Variants in STYXL1 observed in about 807,000 individuals in gnomAD.
The protein encoded by STYXL1 is serine/threonine/tyrosine interacting like 1, also known as serine/threonine/tyrosine-interacting-like protein 1.
A neutral mutation model predicts 36.4 loss-of-function variants in STYXL1; 32 were observed. That is an observed-to-expected ratio of 0.88 (90% CI 0.66 to 1.18). STYXL1 has a LOEUF of 1.18. Ranked by LOEUF, STYXL1 falls within the 50% of genes most tolerant of loss-of-function variation. STYXL1 has a pLI of 0.00. For synonymous variants in STYXL1, 133 were observed against 144.1 expected (o/e 0.92, Z 0.55); for missense variants, 354 against 394.1 (o/e 0.90, Z 0.86).
intron 1 of STYXL1, chr7:76,044,551 G>T (rs1796767571): frequency 6.6e-6 from 1 of 152,058 alleles, no homozygotes. Context: ...ACTTGGGAGG[G>T]ATGTGGAGGA....
chr7:76,029,998 T>TC lies in STYXL1; in HGVS notation c.103+422_103+423insG, dbSNP rs1554578771. 7.2e-5 allele frequency among the ~76,000 whole-genome samples: 11 copies of TC among 151,738 alleles called. 1 individual carries two copies. Among genetic ancestry groups the TC allele is most frequent in the African/African-American group, 2.7e-4 (11 of 41,254 alleles). On this transcript the variant is annotated intron_variant, in intron 2 of 8. Coordinates refer to ENST00000359697, the MANE Select transcript of STYXL1 (RefSeq NM_001317785.2). Reference sequence around the variant, plus strand: ...GGTTGGGGGTTGCGGACTTCTTTTTTATTTTTTTTTTTCTTTTTTGAGACA... The same window carrying TC: ...GGTTGGGGGTTGCGGACTTCTTTTTTCATTTTTTTTTTTCTTTTTTGAGACA...
chr7:76,030,385 G>A, intron 2 of STYXL1, 36 bp downstream of exon 2: 1 of 1,482,842 alleles, frequency 6.7e-7, no homozygotes, highest in Non-Finnish European at 9.4e-7. Flanking sequence ...GAAGGACACT[G>A]TGTTTGACCT....
At chr7:76,023,774 G>C (rs1794353872) in intron 3 of STYXL1, among the ~76,000 whole-genome samples, 1 of 152,028 alleles carries the variant, frequency 6.6e-6, no homozygotes, top group African/African-American at 2.4e-5. Context: ...CCAGCACTTT[G>C]GGAGGCCAAG....
intron 8 of STYXL1, among the ~76,000 whole-genome samples, chr7:75,998,058 CCAA>C (rs1790349293): frequency 6.6e-6 from 1 of 152,100 alleles, no homozygotes; most frequent in African/African-American, 2.4e-5. Flanking sequence ...TATCAAAATC[CCAA>C]CAACATTTTT....
At chr7:76,017,318 C>T (rs1238138194) in intron 4 of STYXL1, among the ~76,000 whole-genome samples, 1 of 151,958 alleles carries the variant, frequency 6.6e-6, no homozygotes, top group South Asian at 2.1e-4. Flanking sequence ...CCACCGTGCC[C>T]GGCCCCAGAT....
intron 1 of STYXL1, among the ~76,000 whole-genome samples, chr7:76,031,745 G>A (rs1460944777): frequency 1.3e-5 from 2 of 151,326 alleles, no homozygotes; most frequent in African/African-American, 4.9e-5. Context: ...AGTGAAATGT[G>A]GGCAGAGAAT....
At chr7:76,032,135 T>C (rs1479998175) in intron 1 of STYXL1, among the ~76,000 whole-genome samples, 3 of 151,786 alleles carry the variant, frequency 2.0e-5, no homozygotes, top group Non-Finnish European at 1.5e-5. Context: ...TATACACCTA[T>C]AGTCCCAGCT....
rs148684740 is a variant in STYXL1, at chr7:76,027,812, T to C, written c.165+830A>G. 1.3e-3 allele frequency among the ~76,000 whole-genome samples: 203 copies of C among 152,110 alleles called. 9 individuals are homozygous for C. In the South Asian group the frequency reaches 0.037, roughly 28 times the overall value. Reference sequence around the variant, plus strand: ...ATACCTGGCATATCAAGGAATTAAATCAATATTTGGCCAGGCTTAGGCGGC... The same window carrying C: ...ATACCTGGCATATCAAGGAATTAAACCAATATTTGGCCAGGCTTAGGCGGC... On this transcript the variant is annotated intron_variant, in intron 3 of 8. Coordinates refer to ENST00000359697, the MANE Select transcript of STYXL1 (RefSeq NM_001317785.2).
intron 5 of STYXL1, among the ~76,000 whole-genome samples, chr7:76,009,245 C>G (rs1035807164): frequency 1.3e-5 from 2 of 151,680 alleles, no homozygotes; most frequent in African/African-American, 4.8e-5. Context: ...CACTGCCTTC[C>G]CCCAAAACCA....
intron 4 of STYXL1, among the ~76,000 whole-genome samples, chr7:76,018,009 CA>C (rs1793612697): frequency 6.6e-6 from 1 of 151,848 alleles, no homozygotes; most frequent in Admixed American, 6.6e-5. Flanking sequence ...CCATCCCCCA[CA>C]ATCAATTTTA....
chr7:76,000,898 T>C lies in STYXL1; in HGVS notation c.802A>G (p.Thr268Ala), dbSNP rs1563458732. The stretch of plus-strand genomic sequence containing the variant: ...GCCCGGGGAACGCATACCTGCAAGG[T>C]CTGCTCGTTACTATGCATGAGGTAG... ...IAYLMHSNEQ[T>A]LQRSWAYVKK... The change falls in exon 8 of 9, where the codon ACC (threonine) becomes GCC (alanine). Residue 268 changes from threonine (T) to alanine (A), a missense_variant. Thr to Ala is a moderately conservative substitution (Grantham distance 58). Coordinates refer to ENST00000359697, the MANE Select transcript of STYXL1 (RefSeq NM_001317785.2). 1 of 1,614,016 alleles carries C rather than the reference T, an allele frequency of 6.2e-7. No individual in the cohort carries two copies. The highest frequency in any genetic ancestry group is 2.2e-5 in the East Asian group (1 of 44,880).
intron 3 of STYXL1, among the ~76,000 whole-genome samples, chr7:76,027,096 C>T (rs1585288720): frequency 6.6e-6 from 1 of 151,706 alleles, no homozygotes; most frequent in South Asian, 2.1e-4. Context: ...GAAAAGAAAC[C>T]AGGAAAGTCA....
At chr7:76,028,821 CAGTTTA>C in intron 2 of STYXL1, 118 bp from the exon 3 acceptor site, 1 of 929,422 alleles carries the variant, frequency 1.1e-6, no homozygotes, top group African/African-American at 1.6e-5. Flanking sequence ...TAGTCATTGT[CAGTTTA>C]AAACTTGAGA....
At chr7:76,004,909 G>A (rs959920164) in intron 6 of STYXL1, among the ~76,000 whole-genome samples, 14 of 151,764 alleles carry the variant, frequency 9.2e-5, no homozygotes, top group Non-Finnish European at 2.1e-4. Context: ...GCTGAGGCAG[G>A]AGAATGGCGT....
chr7:76,042,222 T>G, intron 1 of STYXL1, among the ~76,000 whole-genome samples: 1 of 151,248 alleles, frequency 6.6e-6, no homozygotes, highest in East Asian at 1.9e-4. Flanking sequence ...AATCCCACTC[T>G]TGTTTTTCCA....
chr7:76,013,090 C>T (rs531430371), intron 5 of STYXL1, among the ~76,000 whole-genome samples: 1 of 152,210 alleles, frequency 6.6e-6, no homozygotes, highest in South Asian at 2.1e-4. Flanking sequence ...TTTGGAAAGC[C>T]GAGGCAGGTG....
chr7:76,004,007 A>G (rs1323277965), intron 6 of STYXL1, 152 bp from the exon 7 acceptor site: 3 of 652,684 alleles, frequency 4.6e-6, no homozygotes, highest in Non-Finnish European at 7.9e-6. Flanking sequence ...TCCTGGAAAA[A>G]AACATCCAGG....
At chr7:75,998,310 T>TC (rs1413687971) in intron 8 of STYXL1, among the ~76,000 whole-genome samples, 1 of 151,558 alleles carries the variant, frequency 6.6e-6, no homozygotes, top group East Asian at 1.9e-4. Context: ...AATTTTTTTT[T>TC]TTTTTGAGAC....
intron 5 of STYXL1, among the ~76,000 whole-genome samples, chr7:76,011,260 C>G (rs1010002438): frequency 1.2e-4 from 19 of 152,128 alleles, no homozygotes; most frequent in African/African-American, 4.6e-4. Context: ...ACTCATTGGC[C>G]AATTTTGTTT....
Sources: gnomAD v4.1 joint callset for allele counts (sites outside exome capture counted in the v4.1 genomes callset) on GRCh38, gnomAD v4.1.1 for gene constraint, MANE v1.5 for transcripts, NCBI Gene and HGNC (gene_info 2026-07-23, HGNC 2026-07-21) for gene names.